Variants in KTN1 observed in about 807,000 individuals in gnomAD.
KTN1 encodes the protein kinectin.
In KTN1, 130 loss-of-function variants were observed where a neutral mutation model predicts 222.5. The ratio of observed to expected loss-of-function variants is 0.58; its 90% CI spans 0.51 to 0.68. The LOEUF is 0.68. Among genes scored for constraint, KTN1 ranks in the 30% least tolerant of loss-of-function variants. The probability of loss-of-function intolerance (pLI) is 0.00; values close to 1 mark genes in which losing one functional copy is unlikely to be tolerated. For missense variants in KTN1, 1,508 were observed against 1,500.4 expected (o/e 1.01, Z -0.08); for synonymous variants, 512 against 496.3 (o/e 1.03, Z -0.42).
intron 18 of KTN1, among the ~76,000 whole-genome samples, chr14:55,644,041 A>AT (rs2042049989): frequency 1.3e-5 from 2 of 152,158 alleles, no homozygotes; most frequent in South Asian, 4.1e-4. Context: ...AATTCTTAGA[A>AT]TTGTTCTTCT....
intron 1 of KTN1, among the ~76,000 whole-genome samples, chr14:55,600,504 C>G (rs1407670975): frequency 1.3e-5 from 2 of 152,048 alleles, no homozygotes; most frequent in Non-Finnish European, 2.9e-5. Flanking sequence ...ACTTGTCTTT[C>G]CAAAGAATAA....
chr14:55,649,690 G>A, intron 21 of KTN1, 86 bp from the exon 22 acceptor site: 1 of 802,916 alleles, frequency 1.2e-6, no homozygotes, highest in Non-Finnish European at 2.0e-6. Context: ...GATTGTATTG[G>A]AAAATCTAAG....
At chr14:55,654,332 GTTATTA>G (rs905265234) in intron 28 of KTN1, among the ~76,000 whole-genome samples, 2 of 140,326 alleles carry the variant, frequency 1.4e-5, no homozygotes, top group African/African-American at 5.2e-5. Context: ...TATTTATTAG[GTTATTA>G]TCTTTCTAAA....
intron 27 of KTN1, 55 bp from the exon 28 acceptor site, chr14:55,653,504 C>T: frequency 7.4e-7 from 1 of 1,349,188 alleles, no homozygotes; most frequent in South Asian, 1.2e-5. Context: ...TGTTTTAGCA[C>T]CTACAACATA....
intron 1 of KTN1, among the ~76,000 whole-genome samples, chr14:55,591,581 C>CTTTTTTT (rs71131297): frequency 6.4e-4 from 56 of 87,678 alleles, no homozygotes; most frequent in East Asian, 1.2e-3. Context: ...TTCTCTCTTT[C>CTTTTTTT]TTTTTTTTTT....
intron 31 of KTN1, 185 bp from the exon 32 acceptor site, chr14:55,661,337 A>G: frequency 2.1e-6 from 1 of 476,822 alleles, no homozygotes; most frequent in South Asian, 4.1e-5. Flanking sequence ...TTATATTAGA[A>G]ATCATTTCTG....
chr14:55,631,783 CAA>C (rs1426300770), intron 7 of KTN1, among the ~76,000 whole-genome samples: 1 of 151,890 alleles, frequency 6.6e-6, no homozygotes, highest in Non-Finnish European at 1.5e-5. Context: ...TCTCAAAAAA[CAA>C]AAAACTCCAA....
At chr14:55,614,397 A>G (rs1270038940) in intron 2 of KTN1, among the ~76,000 whole-genome samples, 2 of 152,198 alleles carry the variant, frequency 1.3e-5, no homozygotes, top group Admixed American at 6.5e-5. Flanking sequence ...AAGTATGCAA[A>G]GTAAGAATGA....
chr14:55,644,361 T>G, intron 18 of KTN1: 2 of 701,860 alleles, frequency 2.8e-6, no homozygotes, highest in Non-Finnish European at 2.6e-6. Flanking sequence ...AGGAAAAGAT[T>G]GAGCGTATAA....
chr14:55,683,321 G>GT (rs551390627), intron 43 of KTN1: 192 of 152,116 alleles, frequency 1.3e-3, no homozygotes, highest in African/African-American at 4.5e-3. Context: ...TACAACACCC[G>GT]TAAACCCTCC....
intron 1 of KTN1, among the ~76,000 whole-genome samples, chr14:55,591,602 T>C: frequency 6.8e-6 from 1 of 147,632 alleles, no homozygotes; most frequent in East Asian, 2.0e-4. Flanking sequence ...TTTTTTTTTT[T>C]TTTGAGACGG....
rs2043091918 is a variant in KTN1 at position 55,652,956 on chromosome 14, CAATAAAA to C, written c.2694+21_2694+27del. 2 of 1,594,766 alleles carry C rather than the reference CAATAAAA, an allele frequency of 1.3e-6. No homozygotes were observed. The highest frequency in any genetic ancestry group is 2.2e-5 in the East Asian group (1 of 44,638). ...GTGGTTACAGGTGAGAAATTAAAAA[CAATAAAA>C]AATAGCCTTTTTATACTTGACTATC... On this transcript the variant is annotated intron_variant, in intron 26 of 43. Coordinates refer to ENST00000395314, the MANE Select transcript of KTN1 (RefSeq NM_001079521.2).
intron 1 of KTN1, among the ~76,000 whole-genome samples, chr14:55,589,565 C>T (rs2033703170): frequency 1.3e-5 from 2 of 152,128 alleles, no homozygotes; most frequent in South Asian, 2.1e-4. Flanking sequence ...CTGCCTTAGC[C>T]TCCCAAAGTG....
chr14:55,620,299 C>G (rs902806561), intron 5 of KTN1, among the ~76,000 whole-genome samples: 7 of 152,172 alleles, frequency 4.6e-5, no homozygotes, highest in African/African-American at 1.7e-4. Context: ...CTTTTCCAGG[C>G]TCACAGTACA....
At chr14:55,679,269 T>C (rs12587704) in intron 42 of KTN1, 69,382 of 265,092 alleles carry the variant, frequency 0.26, 9,496 homozygotes, top group East Asian at 0.33. Flanking sequence ...GCAAATTTTC[T>C]TTTTCTGAAA....
At chr14:55,640,809 T>C (rs1045507546) in intron 15 of KTN1, 124 bp from the exon 16 acceptor site, 2 of 744,544 alleles carry the variant, frequency 2.7e-6, no homozygotes, top group African/African-American at 3.6e-5. Context: ...TACAGAAATA[T>C]ACAGTATTGC....
intron 32 of KTN1, 71 bp from the exon 33 acceptor site, chr14:55,663,884 C>A: frequency 9.5e-7 from 1 of 1,052,460 alleles, no homozygotes; most frequent in Non-Finnish European, 1.4e-6. Flanking sequence ...GTGCAAAATA[C>A]TGATGAAGTA....
chr14:55,647,200 A>G (rs535359182), intron 19 of KTN1, among the ~76,000 whole-genome samples, 193 bp downstream of exon 19: 1 of 152,342 alleles, frequency 6.6e-6, no homozygotes, highest in South Asian at 2.1e-4. Context: ...GCATATAAGA[A>G]TGAATTACTT....
chr14:55,617,052 A>G (rs1192331810), intron 3 of KTN1, among the ~76,000 whole-genome samples: 7 of 152,152 alleles, frequency 4.6e-5, no homozygotes, highest in Non-Finnish European at 1.0e-4. Flanking sequence ...TAATTCCTAA[A>G]CAGAACTCAC....
Sources: gnomAD v4.1 joint callset for allele counts (sites outside exome capture counted in the v4.1 genomes callset) on GRCh38, gnomAD v4.1.1 for gene constraint, MANE v1.5 for transcripts, NCBI Gene and HGNC (gene_info 2026-07-23, HGNC 2026-07-21) for gene names.